PLXDC2: variants seen among roughly 807,000 people sequenced by gnomAD.
PLXDC2 encodes plexin domain-containing protein 2.
Under a neutral mutation model 68.9 loss-of-function variants are expected in PLXDC2, and 40 were observed. That is an observed-to-expected ratio of 0.58 (90% CI 0.45 to 0.76). PLXDC2 has a LOEUF of 0.76. PLXDC2 is among the 30% of genes least tolerant of loss of function. PLXDC2 has a pLI of 0.00. For synonymous variants in PLXDC2, 243 were observed against 234.2 expected (o/e 1.04, Z -0.34); for missense variants, 644 against 661.9 (o/e 0.97, Z 0.30).
At chr10:20,055,663 C>T (rs1835985421) in intron 3 of PLXDC2, among the ~76,000 whole-genome samples, 1 of 152,002 alleles carries the variant, frequency 6.6e-6, no homozygotes, top group Non-Finnish European at 1.5e-5. Flanking sequence ...TCAACCTGGT[C>T]TTACTTGTCT....
intron 4 of PLXDC2, among the ~76,000 whole-genome samples, chr10:20,081,839 G>C (rs968219719): frequency 1.3e-5 from 2 of 151,800 alleles, no homozygotes; most frequent in Non-Finnish European, 2.9e-5. Context: ...AAGAGATTGA[G>C]ACCATCTTGG....
At chr10:20,012,303 C>CTCTTTTTTTTTTTTTTTTT (rs1835129350) in intron 2 of PLXDC2, among the ~76,000 whole-genome samples, 1 of 65,592 alleles carries the variant, frequency 1.5e-5, no homozygotes, top group Admixed American at 2.5e-4. Flanking sequence ...CTCTCTCTCT[C>CTCTTTTTTTTTTTTTTTTT]TTTTTTATTT....
chr10:19,970,472 C>A lies in PLXDC2; in HGVS notation c.113-31303C>A, dbSNP rs555699246. 5.3e-5 allele frequency among the ~76,000 whole-genome samples: 8 copies of A among 152,260 alleles called. No homozygotes were observed. In the South Asian group the frequency reaches 1.7e-3, roughly 32 times the overall value. On this transcript the variant is annotated intron_variant, in intron 1 of 13. Transcript: ENST00000377252. Reference sequence around the variant, plus strand: ...TGTATAACTGTCATGTGAACTTAAGCCTTCTATATATGATGAAAGCCCTGT... The same window carrying A: ...TGTATAACTGTCATGTGAACTTAAGACTTCTATATATGATGAAAGCCCTGT...
intron 1 of PLXDC2, among the ~76,000 whole-genome samples, chr10:19,951,995 G>A (rs189899028): frequency 1.3e-5 from 2 of 152,118 alleles, no homozygotes; most frequent in East Asian, 1.9e-4. Context: ...GAGACTACAC[G>A]GTGAGGGGGG....
At chr10:20,176,289 T>C (rs780036577) in intron 7 of PLXDC2, among the ~76,000 whole-genome samples, 1 of 152,132 alleles carries the variant, frequency 6.6e-6, no homozygotes, top group Non-Finnish European at 1.5e-5. Context: ...ATAAAAATCA[T>C]ATGTATTTGA....
Position 20,280,737 on chromosome 10 carries a change from G to A in PLXDC2, c.*918G>A, listed in dbSNP as rs1237260240. On this transcript the variant is annotated 3_prime_UTR_variant, in exon 14 of 14. Coordinates refer to ENST00000377252, the MANE Select transcript of PLXDC2 (RefSeq NM_032812.9). ...TCATTTTTGAAACAAAAATGTTAAG[G>A]GATTTTAAACATATGATTATTTTTA... 4 of 151,936 alleles carry A rather than the reference G, an allele frequency of 2.6e-5. No homozygotes were observed. Among genetic ancestry groups the A allele is most frequent in the Non-Finnish European group, 5.9e-5 (4 of 68,000 alleles). The allele number at this position is 151,936 out of a possible 1,614,324, so 9.4% of individuals were successfully genotyped here.
At chr10:19,896,914 T>A (rs1316638736) in intron 1 of PLXDC2, among the ~76,000 whole-genome samples, 1 of 152,198 alleles carries the variant, frequency 6.6e-6, no homozygotes, top group Non-Finnish European at 1.5e-5. Context: ...GTCTGCTTAA[T>A]TTTTTGCATA....
intron 6 of PLXDC2, among the ~76,000 whole-genome samples, chr10:20,150,189 A>G (rs7894761): frequency 0.29 from 44,474 of 152,056 alleles, 7,391 homozygotes; most frequent in East Asian, 0.52. Flanking sequence ...TCATGCATCC[A>G]TCATTATGGT....
chr10:20,048,771 T>G (rs561593925), intron 3 of PLXDC2, among the ~76,000 whole-genome samples: 1 of 152,134 alleles, frequency 6.6e-6, no homozygotes, highest in African/African-American at 2.4e-5. Context: ...GGTAAGACAG[T>G]TTGTGTCCTG....
At chr10:20,233,403 T>C (rs1167168314) in intron 12 of PLXDC2, among the ~76,000 whole-genome samples, 1 of 151,824 alleles carries the variant, frequency 6.6e-6, no homozygotes, top group Non-Finnish European at 1.5e-5. Context: ...GGTGCACAAC[T>C]TCCCATGTAG....
intron 1 of PLXDC2, among the ~76,000 whole-genome samples, chr10:19,830,103 A>G (rs999389736): frequency 6.6e-6 from 1 of 152,212 alleles, no homozygotes; most frequent in Non-Finnish European, 1.5e-5. Context: ...TGGGTAAACA[A>G]TGAGTGAAAT....
intron 12 of PLXDC2, among the ~76,000 whole-genome samples, chr10:20,221,967 T>A (rs1835218196): frequency 6.6e-6 from 1 of 152,184 alleles, no homozygotes; most frequent in Non-Finnish European, 1.5e-5. Context: ...TATTTGAGGT[T>A]TACAACATGA....
intron 1 of PLXDC2, among the ~76,000 whole-genome samples, chr10:19,979,519 C>T (rs1316348105): frequency 4.0e-5 from 6 of 150,982 alleles, no homozygotes; most frequent in Non-Finnish European, 8.9e-5. Context: ...ATTGCAGGCA[C>T]CCACGACCAT....
intron 1 of PLXDC2, among the ~76,000 whole-genome samples, chr10:19,908,161 T>C (rs1347536813): frequency 2.0e-5 from 3 of 152,178 alleles, no homozygotes; most frequent in Non-Finnish European, 4.4e-5. Context: ...AAATTATGTT[T>C]TCATTGTTAT....
chr10:20,149,227 T>C (rs189101352), intron 6 of PLXDC2, among the ~76,000 whole-genome samples: 3 of 124,658 alleles, frequency 2.4e-5, no homozygotes, highest in African/African-American at 8.7e-5. Flanking sequence ...TTTTTTTCTT[T>C]TCTTTTTTTT....
intron 2 of PLXDC2, among the ~76,000 whole-genome samples, chr10:20,030,525 G>A (rs1464618724): frequency 3.9e-5 from 6 of 152,208 alleles, no homozygotes; most frequent in African/African-American, 1.4e-4. Context: ...ATACCAAGGA[G>A]ATGCAGCAGC....
At chr10:20,200,119 A>G (rs935561021) in intron 9 of PLXDC2, among the ~76,000 whole-genome samples, 2 of 150,750 alleles carry the variant, frequency 1.3e-5, no homozygotes. Context: ...ATGTAAATAT[A>G]CAAACTGCTG....
intron 1 of PLXDC2, among the ~76,000 whole-genome samples, chr10:19,997,488 A>G (rs542916145): frequency 6.0e-4 from 91 of 152,336 alleles, no homozygotes; most frequent in African/African-American, 2.1e-3. Context: ...CATAAGATGC[A>G]TGTCAATTTA....
intron 1 of PLXDC2, among the ~76,000 whole-genome samples, chr10:19,982,001 G>C (rs944671569): frequency 3.9e-5 from 6 of 152,168 alleles, no homozygotes; most frequent in Admixed American, 1.3e-4. Context: ...AACACCCACA[G>C]CCCTTTGACA....
Sources: allele counts gnomAD v4.1 joint callset (sites outside exome capture counted in the v4.1 genomes callset), GRCh38; gene constraint gnomAD v4.1.1; transcripts MANE v1.5; gene names NCBI Gene and HGNC (gene_info 2026-07-23, HGNC 2026-07-21).